UBXN7: variants seen among roughly 807,000 people sequenced by gnomAD.
UBXN7 encodes the protein UBX domain protein 7.
UBXN7 carries 9 observed loss-of-function variants against 58.0 expected under a neutral mutation model. That is an observed-to-expected ratio of 0.16 (90% CI 0.09 to 0.27). UBXN7 has a LOEUF of 0.27. Among genes scored for constraint, UBXN7 ranks in the 10% least tolerant of loss-of-function variants. The probability of loss-of-function intolerance (pLI) is 1.00; values close to 1 mark genes in which losing one functional copy is unlikely to be tolerated. For synonymous variants in UBXN7, 208 were observed against 205.0 expected (o/e 1.01, Z -0.12); for missense variants, 328 against 599.6 (o/e 0.55, Z 4.73).
At chr3:196,357,546 G>T (rs1423381192) in intron 10 of UBXN7, among the ~76,000 whole-genome samples, 3 of 152,148 alleles carry the variant, frequency 2.0e-5, no homozygotes, top group Non-Finnish European at 4.4e-5. Context: ...GGCCAAGGAG[G>T]GGGACAGCTT....
chr3:196,403,107 T>G, intron 2 of UBXN7, 88 bp from the exon 3 acceptor site: 1 of 1,292,756 alleles, frequency 7.7e-7, no homozygotes, highest in Non-Finnish European at 1.1e-6. Flanking sequence ...ATATTCAAAT[T>G]AACGTAGTGA....
intron 5 of UBXN7, among the ~76,000 whole-genome samples, chr3:196,390,327 CT>C (rs1426585480): frequency 6.6e-6 from 1 of 152,148 alleles, no homozygotes; most frequent in Non-Finnish European, 1.5e-5. Flanking sequence ...CCTCAAACTC[CT>C]GAACTCAAGG....
chr3:196,419,560 G>C (rs1730616724), intron 1 of UBXN7, among the ~76,000 whole-genome samples: 1 of 152,146 alleles, frequency 6.6e-6, no homozygotes, highest in African/African-American at 2.4e-5. Context: ...GTTGTTCTTA[G>C]CGTATCACTT....
At chr3:196,374,953 A>G (rs1728957099) in intron 5 of UBXN7, among the ~76,000 whole-genome samples, 1 of 22,036 alleles carries the variant, frequency 4.5e-5, no homozygotes, top group Non-Finnish European at 8.9e-5. Context: ...AAGGAAAGAA[A>G]GAAAGAAAAA....
At chr3:196,392,954 G>A (rs1729632943) in intron 4 of UBXN7, among the ~76,000 whole-genome samples, 1 of 152,186 alleles carries the variant, frequency 6.6e-6, no homozygotes, top group Non-Finnish European at 1.5e-5. Context: ...AGACCTATCT[G>A]TGCCTCAATG....
chr3:196,363,379 A>T (rs958858903), intron 8 of UBXN7, among the ~76,000 whole-genome samples: 6 of 151,046 alleles, frequency 4.0e-5, no homozygotes, highest in Admixed American at 1.3e-4. Context: ...AATGAAGGCC[A>T]GGCCGGGTGG....
At position 196,391,798 on chromosome 3, in the gene UBXN7, T is replaced by G. The variant is rs753190780; in HGVS notation, c.468+15A>C. 1.5e-5 allele frequency: 23 copies of G among 1,579,342 alleles called. No individual in the cohort carries two copies. Among genetic ancestry groups the G allele is most frequent in the Non-Finnish European group, 1.7e-6 (2 of 1,160,492 alleles). ...AAGGATTCATAGTTAAGGCACTGAC[T>G]CTCCAACAACTTACTGTTTCAAAGC... On this transcript the variant is annotated intron_variant, in intron 5 of 10. Transcript: ENST00000296328.
intron 10 of UBXN7, among the ~76,000 whole-genome samples, chr3:196,357,087 T>C (rs1728370949): frequency 6.6e-6 from 1 of 152,232 alleles, no homozygotes; most frequent in South Asian, 2.1e-4. Flanking sequence ...ACAGTTATTA[T>C]TTGGCTCCCC....
chr3:196,401,326 T>C (rs1210865858), intron 3 of UBXN7, among the ~76,000 whole-genome samples: 1 of 125,502 alleles, frequency 8.0e-6, no homozygotes, highest in East Asian at 2.3e-4. Flanking sequence ...CACACATATA[T>C]ATATATACAC....
chr3:196,412,244 A>G (rs1226348701), intron 1 of UBXN7, among the ~76,000 whole-genome samples: 5 of 104,174 alleles, frequency 4.8e-5, no homozygotes, highest in Non-Finnish European at 8.2e-5. Flanking sequence ...AAAAAAAAAA[A>G]AAAAAGAAAA....
chr3:196,429,010 TAAA>T (rs11401303), intron 1 of UBXN7, among the ~76,000 whole-genome samples: 3 of 126,280 alleles, frequency 2.4e-5, no homozygotes, highest in Non-Finnish European at 3.3e-5. Context: ...CTCCATCTCT[TAAA>T]AAAAAAAAAA....
chr3:196,361,183 C>T (rs1001864155), intron 10 of UBXN7, among the ~76,000 whole-genome samples: 1 of 152,102 alleles, frequency 6.6e-6, no homozygotes, highest in East Asian at 1.9e-4. Context: ...GAAGTCACTG[C>T]AAGTGGGGTA....
chr3:196,398,256 C>T (rs1729839744), intron 3 of UBXN7, among the ~76,000 whole-genome samples: 2 of 152,102 alleles, frequency 1.3e-5, no homozygotes, highest in South Asian at 2.1e-4. Context: ...TGTAGGAGAC[C>T]CTAACCAAAG....
intron 10 of UBXN7, among the ~76,000 whole-genome samples, chr3:196,358,636 G>C (rs1728417769): frequency 6.6e-6 from 1 of 152,100 alleles, no homozygotes; most frequent in Admixed American, 6.5e-5. Flanking sequence ...AGCTACCTGG[G>C]AGGTTGAGGT....
At chr3:196,399,614 T>C (rs764745605) in intron 3 of UBXN7, among the ~76,000 whole-genome samples, 3 of 152,204 alleles carry the variant, frequency 2.0e-5, no homozygotes, top group Non-Finnish European at 4.4e-5. Context: ...TTTATTTTTA[T>C]TTTTTGTAGA....
chr3:196,431,669 C>CT (rs746816356), intron 1 of UBXN7: 18 of 270,930 alleles, frequency 6.6e-5, no homozygotes, highest in Middle Eastern at 4.3e-4. Context: ...CCCTATTCAG[C>CT]TTGGGGGTTC....
rs546931432 is a variant in UBXN7, at chr3:196,391,944, A to T, written c.356-19T>A. 2.1e-6 allele frequency: 3 copies of T among 1,428,610 alleles called. No individual in the cohort carries two copies. In the Admixed American group the frequency reaches 6.1e-5, roughly 29 times the overall value. The allele number at this position is 1,428,610 out of a possible 1,614,324, so 88.5% of individuals were successfully genotyped here. ...TGCCGAACTATAATACAGAAGGATG[A>T]AAGTTTCAGTTAGCCATAATCATGA... On this transcript the variant is annotated intron_variant, in intron 4 of 10. Coordinates refer to ENST00000296328, the MANE Select transcript of UBXN7 (RefSeq NM_015562.2).
intron 7 of UBXN7, 51 bp downstream of exon 7, chr3:196,369,369 TA>T: frequency 7.6e-7 from 1 of 1,318,228 alleles, no homozygotes; most frequent in Non-Finnish European, 1.1e-6. Flanking sequence ...ATCATTTAGG[TA>T]ACTGAAAGAC....
chr3:196,374,174 G>A (rs577269785), intron 5 of UBXN7, among the ~76,000 whole-genome samples: 3 of 152,128 alleles, frequency 2.0e-5, no homozygotes, highest in African/African-American at 7.2e-5. Context: ...TCCTACAGCA[G>A]GGTAAATTTA....
Sources: gnomAD v4.1 joint callset for allele counts (sites outside exome capture counted in the v4.1 genomes callset) on GRCh38, gnomAD v4.1.1 for gene constraint, MANE v1.5 for transcripts, NCBI Gene and HGNC (gene_info 2026-07-23, HGNC 2026-07-21) for gene names.